TAL1: variants seen among roughly 807,000 people sequenced by gnomAD.
TAL1 encodes T-cell acute lymphocytic leukemia protein 1.
A neutral mutation model predicts 17.9 loss-of-function variants in TAL1; 8 were observed. That is an observed-to-expected ratio of 0.45 (90% CI 0.26 to 0.81). The LOEUF (loss-of-function observed/expected upper bound fraction) is 0.81. TAL1 is among the 30% of genes least tolerant of loss of function. The probability of loss-of-function intolerance (pLI) is 0.17; values close to 1 mark genes in which losing one functional copy is unlikely to be tolerated. For missense variants in TAL1, 466 were observed against 486.9 expected, an observed-to-expected ratio of 0.96 and a Z score of 0.40; for synonymous variants, 223 against 218.6, an observed-to-expected ratio of 1.02 and a Z score of -0.18.
chr1:47,231,319 C>A (rs1644009743), upstream of TAL1: 1 of 175,554 alleles, frequency 5.7e-6, no homozygotes, highest in African/African-American at 2.4e-5. Context: ...TGCCGCCGCC[C>A]CCACCAGCGC....
exon 4 of TAL1, chr1:47,220,059 C>T (rs1424449717): frequency 1.9e-6 from 3 of 1,613,820 alleles, no homozygotes; most frequent in East Asian, 2.2e-5. Context: ...GCTTCTTGTC[C>T]GGGGGATGTG....
At chr1:47,218,442 A>C (rs1645542575) in exon 4 of TAL1, 2 of 232,842 alleles carry the variant, frequency 8.6e-6, no homozygotes, top group South Asian at 3.6e-4. Context: ...GATTTACAAA[A>C]ATTTCATGTA....
chr1:47,232,316 A>C (rs1644030158), upstream of TAL1: 1 of 147,904 alleles, frequency 6.8e-6, no homozygotes, highest in East Asian at 1.8e-4. Flanking sequence ...CTCACGTTCC[A>C]GGCCTCGTTA....
Position 47,223,871 on chromosome 1 carries a change from C to T in TAL1, c.541+133G>A, listed in dbSNP as rs74074033. On this transcript the variant is annotated intron_variant, in intron 3 of 3. Coordinates refer to ENST00000294339, the Ensembl canonical transcript of TAL1. Reference sequence around the variant, plus strand: ...AGCTCAGCTGCAGGGTGAAGGGCTTCGGCAGTTTGGGTTTGGAAAGTGGCC... The same window carrying T: ...AGCTCAGCTGCAGGGTGAAGGGCTTTGGCAGTTTGGGTTTGGAAAGTGGCC... 1,879 of 841,352 alleles carry T rather than the reference C, an allele frequency of 2.2e-3. 22 individuals are homozygous for T. In the African/African-American group the frequency reaches 0.028, roughly 13 times the overall value. The allele number at this position is 841,352 out of a possible 1,614,324, so 52.1% of individuals were successfully genotyped here.
exon 4 of TAL1, chr1:47,217,783 C>T (rs1480196281): frequency 3.5e-5 from 14 of 398,572 alleles, no homozygotes; most frequent in East Asian, 3.2e-4. Context: ...CTAACTCAAG[C>T]GAATCCACGG....
exon 4 of TAL1, chr1:47,217,611 T>C: frequency 5.0e-6 from 2 of 398,656 alleles, no homozygotes. Context: ...TCTACTTTCA[T>C]GATCCCATTC....
chr1:47,224,353 C>G (rs1272607529), intron 2 of TAL1, among the ~76,000 whole-genome samples: 1 of 151,906 alleles, frequency 6.6e-6, no homozygotes, highest in Admixed American at 6.6e-5. Context: ...CAAACACAGG[C>G]ACATATGCAG....
intron 2 of TAL1, among the ~76,000 whole-genome samples, chr1:47,225,173 C>T (rs948008597): frequency 2.0e-5 from 3 of 152,202 alleles, no homozygotes; most frequent in African/African-American, 7.2e-5. Flanking sequence ...GCGAAGGTGT[C>T]CACGTCCTCC....
In TAL1 at chr1:47,224,113, G is replaced by C. The variant is rs202151950; in HGVS notation, c.447-15C>G. 1 of 1,611,996 alleles carries C rather than the reference G, an allele frequency of 6.2e-7. No individual in the cohort carries two copies. Among genetic ancestry groups the C allele is most frequent in the Non-Finnish European group, 8.5e-7 (1 of 1,178,658 alleles). ...CAAAGAACCCGCTGTGGGAGGGAAC[G>C]GGCAGATCACAAGATCCCATGTTGA... On this transcript the variant is annotated splice_polypyrimidine_tract_variant and intron_variant, in intron 2 of 3. Transcript: ENST00000294339.
At chr1:47,225,476 T>G in exon 2 of TAL1, 1 of 1,235,160 alleles carries the variant, frequency 8.1e-7, no homozygotes, top group South Asian at 4.1e-5. Context: ...GCTGAGGCTG[T>G]AGAGCAGCGC....
At chr1:47,225,195 A>G (rs1643888804) in intron 2 of TAL1, among the ~76,000 whole-genome samples, 1 of 152,080 alleles carries the variant, frequency 6.6e-6, no homozygotes, top group South Asian at 2.1e-4. Context: ...CTCGGCTTCC[A>G]CACAGCCATG....
upstream of TAL1, chr1:47,230,352 C>T (rs1314620741): frequency 6.6e-6 from 1 of 152,174 alleles, no homozygotes; most frequent in East Asian, 1.9e-4. Context: ...ACATCGAAGT[C>T]TTGGATTAAC....
chr1:47,230,460 T>C (rs902589087), upstream of TAL1: 2 of 152,194 alleles, frequency 1.3e-5, no homozygotes, highest in African/African-American at 4.8e-5. Context: ...CTTTCTCCTC[T>C]TCTAATCCAA....
In TAL1 at chr1:47,224,877, G is replaced by A. The variant is rs1026002242; in HGVS notation, c.446+566C>T. ...AGTACAGGCTGGGGCCAGAGACCAC[G>A]GCTAGGAGCAGAGGGGCTGGGAGTG... On this transcript the variant is annotated intron_variant, in intron 2 of 3. Transcript: ENST00000294339. Among the ~76,000 whole-genome samples the A allele has an allele frequency of 2.0e-5, 3 of 152,208 alleles. No individual in the cohort carries two copies. The East Asian group carries it at 5.8e-4, about 29-fold the overall frequency.
chr1:47,223,122 C>T (rs1224316616), intron 3 of TAL1, among the ~76,000 whole-genome samples: 2 of 152,160 alleles, frequency 1.3e-5, no homozygotes, highest in Non-Finnish European at 2.9e-5. Context: ...CATATTCCTC[C>T]CACCAGTTTG....
intron 2 of TAL1, 101 bp from the exon 4 acceptor site, chr1:47,224,199 T>C: frequency 9.6e-7 from 1 of 1,036,994 alleles, no homozygotes; most frequent in Non-Finnish European, 1.5e-6. Flanking sequence ...CCCCCACCTC[T>C]GGGCAACCCT....
rs1193922060 is a variant in TAL1, at chr1:47,217,382, G to GTC, written c.*2336_*2337dup. 5.6e-5 allele frequency: 22 copies of GTC among 391,834 alleles called. No homozygotes were observed. In the South Asian group the frequency reaches 1.3e-3, roughly 23 times the overall value. The allele number at this position is 391,834 out of a possible 1,614,324, so 24.3% of individuals were successfully genotyped here. On this transcript the variant is annotated 3_prime_UTR_variant, in exon 4 of 4. Transcript: ENST00000294339. ...AGCCTGAGTGACAGAACAAGACACC[G>GTC]TCTCTCACACACACACACACACACA...
chr1:47,220,207 G>A, intron 3 of TAL1, 33 bp from the exon 5 acceptor site: 2 of 1,475,100 alleles, frequency 1.4e-6, no homozygotes, highest in Non-Finnish European at 1.8e-6. Flanking sequence ...TTAGGAGAAT[G>A]GGCTTGAGAT....
At chr1:47,230,380 A>G (rs373089573), upstream of TAL1, 2 of 152,118 alleles carry the variant, frequency 1.3e-5, no homozygotes, top group African/African-American at 4.8e-5. Context: ...GCCTCCTTCT[A>G]TTTGCCGCGG....
Sources: allele counts gnomAD v4.1 joint callset (sites outside exome capture counted in the v4.1 genomes callset), GRCh38; gene constraint gnomAD v4.1.1; transcripts MANE v1.5; gene names NCBI Gene and HGNC (gene_info 2026-07-23, HGNC 2026-07-21).